The following BNC2 variants were observed in gnomAD, a reference collection of about 807,000 sequenced individuals.
The protein encoded by BNC2 is basonuclin zinc finger protein 2.
In BNC2, 20 loss-of-function variants were observed where a neutral mutation model predicts 76.3. That is an observed-to-expected ratio of 0.26 (90% CI 0.18 to 0.38). The LOEUF (loss-of-function observed/expected upper bound fraction) is 0.38. BNC2 is among the 10% of genes least tolerant of loss of function. The pLI is 1.00. For missense variants in BNC2, 1,382 were observed against 1,399.8 expected (o/e 0.99, Z 0.20); for synonymous variants, 582 against 514.8 (o/e 1.13, Z -1.77).
In BNC2 at chr9:16,845,088, G is replaced by A. The variant is rs1818935178; in HGVS notation, c.3+25558C>T. 2.6e-5 allele frequency among the ~76,000 whole-genome samples: 4 copies of A among 152,162 alleles called. No individual in the cohort carries two copies. In the South Asian group the frequency reaches 8.3e-4, roughly 31 times the overall value. ...TACTTCACAGCGAACTGATGAGTAG[G>A]AAGTTCCTATCAGTCGGGCTGGGGG... On this transcript the variant is annotated intron_variant, in intron 1 of 6. Coordinates refer to ENST00000380672, the MANE Select transcript of BNC2 (RefSeq NM_017637.6).
intron 1 of BNC2, among the ~76,000 whole-genome samples, chr9:16,771,160 C>T (rs1275230517): frequency 6.6e-6 from 1 of 152,092 alleles, no homozygotes; most frequent in Non-Finnish European, 1.5e-5. Flanking sequence ...CAGAGCGAGA[C>T]TCTGTCCCCC....
chr9:16,644,175 T>C (rs1362539752), intron 3 of BNC2, among the ~76,000 whole-genome samples: 4 of 152,148 alleles, frequency 2.6e-5, no homozygotes, highest in Non-Finnish European at 1.5e-5. Flanking sequence ...AATCAAAAGA[T>C]ATTCCAGAGA....
chr9:16,856,962 T>C (rs181755611), intron 1 of BNC2, among the ~76,000 whole-genome samples: 2 of 152,322 alleles, frequency 1.3e-5, no homozygotes, highest in South Asian at 2.1e-4. Context: ...ACATTCTTTA[T>C]GACCTCCAAC....
chr9:16,693,455 T>G (rs1163848969), intron 3 of BNC2, among the ~76,000 whole-genome samples: 1 of 152,054 alleles, frequency 6.6e-6, no homozygotes, highest in Non-Finnish European at 1.5e-5. Flanking sequence ...TGTCTGAAAC[T>G]CATTTGCATG....
chr9:16,777,168 T>C (rs894763599), intron 1 of BNC2, among the ~76,000 whole-genome samples: 4 of 150,826 alleles, frequency 2.7e-5, no homozygotes, highest in African/African-American at 9.8e-5. Context: ...TAAAAGTAAA[T>C]AAATAAATAA....
rs78167893 is a variant in BNC2 at position 16,494,019 on chromosome 9, T to C, written c.670-56495A>G. Among the ~76,000 whole-genome samples the C allele has an allele frequency of 5.2e-3, 789 of 152,318 alleles. 5 individuals carry two copies. The highest frequency in any genetic ancestry group is 0.02 in the Middle Eastern group (6 of 294). ...TAATAGGTCTTGACCATATGCTGCA[T>C]GTTTGGTTTTGTCCTAGGCACTGGA... On this transcript the variant is annotated intron_variant, in intron 5 of 6. Transcript: ENST00000380672.
rs1818165360 is a variant in BNC2, at chr9:16,815,637, T to TTTAGTTGGAACCAATTAAA, written c.3+55008_3+55009insTTTAATTGGTTCCAACTAA. ...TAACACAATCCAACTAATACTCTGG[T>TTTAGTTGGAACCAATTAAA]TAACCATAATAGGGAAGAGGTTATT... On this transcript the variant is annotated intron_variant, in intron 1 of 6. Coordinates refer to ENST00000380672, the MANE Select transcript of BNC2 (RefSeq NM_017637.6). 2.0e-5 allele frequency among the ~76,000 whole-genome samples: 3 copies of TTTAGTTGGAACCAATTAAA among 152,350 alleles called. No homozygotes were observed. The East Asian group carries it at 5.8e-4, about 29-fold the overall frequency.
intron 1 of BNC2, among the ~76,000 whole-genome samples, chr9:16,835,332 AC>A (rs1438143906): frequency 3.8e-4 from 58 of 152,208 alleles, no homozygotes; most frequent in African/African-American, 1.3e-3. Context: ...CACCACTACA[AC>A]CCCATGAGTT....
At chr9:16,490,592 GTGTT>G (rs1438534364) in intron 5 of BNC2, among the ~76,000 whole-genome samples, 1 of 152,174 alleles carries the variant, frequency 6.6e-6, no homozygotes, top group Non-Finnish European at 1.5e-5. Flanking sequence ...GTGTATGTGT[GTGTT>G]TAAGGACACA....
intron 1 of BNC2, among the ~76,000 whole-genome samples, chr9:16,782,844 A>G (rs892043475): frequency 6.6e-6 from 1 of 152,354 alleles, no homozygotes; most frequent in Admixed American, 6.5e-5. Flanking sequence ...ATGAACATGG[A>G]ATATTCATTT....
intron 1 of BNC2, among the ~76,000 whole-genome samples, chr9:16,869,490 T>C (rs940704620): frequency 3.9e-5 from 6 of 152,132 alleles, no homozygotes; most frequent in African/African-American, 1.4e-4. Context: ...CTTTGATCAC[T>C]GAAACAAGAG....
At chr9:16,554,188 T>A (rs564694739) in intron 4 of BNC2, among the ~76,000 whole-genome samples, 7 of 152,332 alleles carry the variant, frequency 4.6e-5, no homozygotes, top group African/African-American at 1.7e-4. Context: ...ACACGTGCAT[T>A]CTCAGCAACT....
chr9:16,561,641 T>C (rs1242156967), intron 4 of BNC2, among the ~76,000 whole-genome samples: 1 of 152,206 alleles, frequency 6.6e-6, no homozygotes, highest in Non-Finnish European at 1.5e-5. Context: ...GCTTATATTC[T>C]ATATGGTACA....
intron 3 of BNC2, among the ~76,000 whole-genome samples, chr9:16,662,537 G>C (rs2017193): frequency 6.6e-6 from 1 of 151,984 alleles, no homozygotes; most frequent in Non-Finnish European, 1.5e-5. Context: ...AGAGTTCAAG[G>C]CCAGCCTGGC....
chr9:16,774,842 T>C (rs1351290453), intron 1 of BNC2, among the ~76,000 whole-genome samples: 22 of 152,214 alleles, frequency 1.4e-4, no homozygotes, highest in Admixed American at 1.4e-3. Flanking sequence ...CTGGATGCCT[T>C]ATCTGCTGGC....
intron 5 of BNC2, among the ~76,000 whole-genome samples, chr9:16,468,330 T>A (rs1299899496): frequency 2.6e-5 from 4 of 152,298 alleles, no homozygotes; most frequent in African/African-American, 9.6e-5. Context: ...ATAGCTAATA[T>A]GTTTTGAACA....
rs142036226 is a variant in BNC2 at position 16,649,196 on chromosome 9, G to A, written c.331-66111C>T. Among the ~76,000 whole-genome samples the A allele has an allele frequency of 1.8e-4, 27 of 152,262 alleles. 1 individual carries two copies. The South Asian group carries it at 3.1e-3, about 18-fold the overall frequency. On this transcript the variant is annotated intron_variant, in intron 3 of 6. Coordinates refer to ENST00000380672, the MANE Select transcript of BNC2 (RefSeq NM_017637.6). ...CAAAGGTCTTCCAGGACGGACTCAC[G>A]GGCCCCAGCACACCCACTGCATCTT...
chr9:16,811,307 T>A (rs935012739), intron 1 of BNC2, among the ~76,000 whole-genome samples: 5 of 149,612 alleles, frequency 3.3e-5, no homozygotes, highest in African/African-American at 1.2e-4. Context: ...TCCCAGAACT[T>A]TGGGAGGCCA....
intron 1 of BNC2, among the ~76,000 whole-genome samples, chr9:16,812,490 A>G (rs1182071967): frequency 6.6e-6 from 1 of 152,052 alleles, no homozygotes; most frequent in African/African-American, 2.4e-5. Flanking sequence ...ATCCCCACAA[A>G]CCTCACCTGC....
Sources: allele counts gnomAD v4.1 joint callset (sites outside exome capture counted in the v4.1 genomes callset), GRCh38; gene constraint gnomAD v4.1.1; transcripts MANE v1.5; gene names NCBI Gene and HGNC (gene_info 2026-07-23, HGNC 2026-07-21).